RGL2: variants seen among roughly 807,000 people sequenced by gnomAD.
RGL2 encodes ral guanine nucleotide dissociation stimulator like 2, also known as ral guanine nucleotide dissociation stimulator-like 2.
A neutral mutation model predicts 84.6 loss-of-function variants in RGL2; 40 were observed. That is an observed-to-expected ratio of 0.47 (90% confidence interval 0.37 to 0.62). The LOEUF (loss-of-function observed/expected upper bound fraction) is 0.62, where lower values mean the gene tolerates loss of function less well. Among genes scored for constraint, RGL2 ranks in the 20% least tolerant of loss-of-function variants. The pLI is 0.00. For missense variants in RGL2, 865 were observed against 1,019.7 expected (o/e 0.85, Z 2.07); for synonymous variants, 369 against 417.3 (o/e 0.88, Z 1.41).
chr6:33,298,731 T>G lies in RGL2; in HGVS notation c.-41-80A>C. The G allele has an allele frequency of 3.4e-6, 2 of 583,234 alleles. No individual in the cohort carries two copies. Among genetic ancestry groups the G allele is most frequent in the South Asian group, 2.5e-5 (1 of 40,288 alleles). 36.1% of individuals were successfully genotyped at this position (583,234 alleles called of 1,614,324 possible). A position where few individuals can be genotyped will look rare whatever the true frequency, so the allele number is the denominator to read the frequency against. On this transcript the variant is annotated intron_variant, in intron 1 of 17. Coordinates refer to ENST00000497454, the MANE Select transcript of RGL2 (RefSeq NM_004761.5). The surrounding 1 kb of genome is among the most constrained non-coding windows in gnomAD (Gnocchi z 4.8). ...CGGGCAGGGAAGGGACGTGGGTGGGTGTCAAGAAGACCGGAAGGGAGTTCT... is the reference window on the plus strand; with the variant it reads ...CGGGCAGGGAAGGGACGTGGGTGGGGGTCAAGAAGACCGGAAGGGAGTTCT...
In RGL2 at chr6:33,295,852, C is replaced by T; in HGVS notation, c.769-93G>A. On this transcript the variant is annotated intron_variant, in intron 6 of 17. Transcript: ENST00000497454. This position sits in a 1 kb window ranked among gnomAD's most constrained non-coding sequence, Gnocchi z 7.2. ...TGAGGATCTCAGGTGGCCAAGGAAC[C>T]AGAGGGGCACAGGGTTTGAAGGGTA... The T allele has an allele frequency of 6.7e-7, 1 of 1,487,992 alleles. No individual in the cohort carries two copies. Among genetic ancestry groups the T allele is most frequent in the Non-Finnish European group, 9.2e-7 (1 of 1,085,922 alleles). 92.2% of individuals were successfully genotyped at this position (1,487,992 alleles called of 1,614,324 possible).
rs766500261 is a variant in RGL2, at chr6:33,296,233, A to C, written c.563T>G (p.Phe188Cys). Residue 188 changes from phenylalanine (F) to cysteine (C), a missense_variant, in exon 6 of 18, where the codon TTC becomes TGC. Transcript: ENST00000497454. This position sits in a 1 kb window ranked among gnomAD's most constrained non-coding sequence, Gnocchi z 5.0. ...TGCTGCATACCCTGTCTGAAGTAAG[A>C]AGCTCTCAAGCCGGTCAAGCTGACC... is the stretch of plus-strand genomic sequence containing the variant. The part of the protein sequence containing the change: ...AKGQLDRLES[F>C]LLQTGYAAGK... 21 of 1,613,984 alleles carry C rather than the reference A, an allele frequency of 1.3e-5. No homozygotes were observed. The highest frequency in any genetic ancestry group is 3.3e-5 in the Admixed American group (2 of 60,034).
At position 33,292,265 on chromosome 6, in the gene RGL2, G is replaced by T; in HGVS notation, c.2171C>A (p.Ala724Asp). The T allele has an allele frequency of 6.2e-7, 1 of 1,614,220 alleles. No homozygotes were observed. Among genetic ancestry groups the T allele is most frequent in the Non-Finnish European group, 8.5e-7 (1 of 1,180,044 alleles). Residue 724 changes from alanine to aspartate, a missense_variant, in exon 18 of 18, where the codon GCT becomes GAT. Coordinates refer to ENST00000497454, the MANE Select transcript of RGL2 (RefSeq NM_004761.5). ...SANVFYAMDG[A>D]SHDFLLRQRR... ...CTGCCGCAGGAGGAAATCGTGTGAA[G>T]CTCCATCCATGGCGTAGAATACATT...
rs746343327 is a variant in RGL2, at chr6:33,295,120, C to T, written c.1209+7G>A. On this transcript the variant is annotated splice_region_variant and intron_variant, in intron 9 of 17. Coordinates refer to ENST00000497454, the MANE Select transcript of RGL2 (RefSeq NM_004761.5). This position sits in a 1 kb window ranked among gnomAD's most constrained non-coding sequence, Gnocchi z 7.2. ...AGAGGTGGGAATGCCACAAACCAGGCTCTCACCTGCACGAGCAGCTCCCGA... is the reference window on the plus strand; with the variant it reads ...AGAGGTGGGAATGCCACAAACCAGGTTCTCACCTGCACGAGCAGCTCCCGA... 17 of 1,605,760 alleles carry T rather than the reference C, an allele frequency of 1.1e-5. No homozygotes were observed. The highest frequency in any genetic ancestry group is 1.4e-5 in the Non-Finnish European group (17 of 1,175,960).
rs769473006 is a variant in RGL2, at chr6:33,293,694, C to A, written c.1514G>T (p.Arg505Leu). ...AGGTGGCTCCACCTCACAGGATACA[C>A]GATGGCTGGGTTAGGGGGGCAATAG... ...LRPLTEAQSHRVSCEVEPPGS... is the reference protein window; with the variant it reads ...LRPLTEAQSHLVSCEVEPPGS... Residue 505 changes from arginine (R) to leucine (L), a missense_variant, in exon 14 of 18, where the codon CGT becomes CTT. Coordinates refer to ENST00000497454, the MANE Select transcript of RGL2 (RefSeq NM_004761.5). This position sits in a 1 kb window ranked among gnomAD's most constrained non-coding sequence, Gnocchi z 7.0. The A allele has an allele frequency of 6.2e-7, 1 of 1,614,004 alleles. No homozygotes were observed. Among genetic ancestry groups the A allele is most frequent in the African/African-American group, 1.3e-5 (1 of 75,014 alleles).
Position 33,296,041 on chromosome 6 carries a change from G to A in RGL2, c.755C>T (p.Thr252Ile). The A allele has an allele frequency of 6.2e-7, 1 of 1,614,022 alleles. No individual in the cohort carries two copies. ...FLADHLAEQL[T>I]LLDAELFLNL... ...TCAGGGTCTCACCGCATCTAGCAGGGTCAGCTGTTCGGCCAAGTGGTCAGC... is the reference window on the plus strand; with the variant it reads ...TCAGGGTCTCACCGCATCTAGCAGGATCAGCTGTTCGGCCAAGTGGTCAGC... Residue 252 changes from threonine to isoleucine, a missense_variant, in exon 6 of 18, where the codon ACC becomes ATC. Physicochemically the swap from Thr to Ile is moderately conservative, Grantham distance 89 (BLOSUM62 -1). Transcript: ENST00000497454. The surrounding 1 kb of genome is among the most constrained non-coding windows in gnomAD (Gnocchi z 5.0).
upstream of RGL2, chr6:33,300,548 C>A (rs1768479652): frequency 6.6e-6 from 1 of 151,720 alleles, no homozygotes; most frequent in African/African-American, 2.4e-5. Context: ...GTAGTCCCAG[C>A]TACTCGGGAA....
Position 33,292,504 on chromosome 6 carries a change from A to G in RGL2, c.2048T>C (p.Val683Ala), listed in dbSNP as rs753578482. Reference sequence around the variant, plus strand: ...AGAGTCACGATTGTTTTTCTTAAGGACACGACTGATGACACTTGGAGCCTT... The same window carrying G: ...AGAGTCACGATTGTTTTTCTTAAGGGCACGACTGATGACACTTGGAGCCTT... ...QDKAPSVISR[V>A]LKKNNRDSAV... The change falls in exon 17 of 18, where the codon GTC becomes GCC. Residue 683 changes from valine to alanine, a missense_variant. Val to Ala is a moderately conservative substitution (Grantham distance 64). Transcript: ENST00000497454. 3 of 1,614,002 alleles carry G rather than the reference A, an allele frequency of 1.9e-6. No homozygotes were observed. Among genetic ancestry groups the G allele is most frequent in the Admixed American group, 3.3e-5 (2 of 59,988 alleles).
chr6:33,295,220 G>T lies in RGL2; in HGVS notation c.1125-9C>A. On this transcript the variant is annotated splice_polypyrimidine_tract_variant and intron_variant, in intron 8 of 17. Transcript: ENST00000497454. The surrounding 1 kb of genome is among the most constrained non-coding windows in gnomAD (Gnocchi z 7.2). ...AGACTCTGAGGCTGTCCCTGGGGAA[G>T]GGAGAAAAGTGGCCCTGAGGACAGG... 1 of 1,596,088 alleles carries T rather than the reference G, an allele frequency of 6.3e-7. No individual in the cohort carries two copies. The highest frequency in any genetic ancestry group is 2.3e-5 in the East Asian group (1 of 44,372).
Position 33,294,969 on chromosome 6 carries a change from T to A in RGL2, c.1278+8A>T, listed in dbSNP as rs1767799118. The A allele has an allele frequency of 9.6e-6, 15 of 1,569,058 alleles. No homozygotes were observed. The highest frequency in any genetic ancestry group is 1.3e-5 in the Non-Finnish European group (15 of 1,157,242). On this transcript the variant is annotated splice_region_variant and intron_variant, in intron 10 of 17. Transcript: ENST00000497454. The surrounding 1 kb of genome is among the most constrained non-coding windows in gnomAD (Gnocchi z 5.0). ...ACCCCCACGCCCACCACCCCGCTAGTCACTCACCCCACCCCGGGAGCCAGA... is the reference window on the plus strand; with the variant it reads ...ACCCCCACGCCCACCACCCCGCTAGACACTCACCCCACCCCGGGAGCCAGA...
rs1768294294 is a variant in RGL2 at position 33,298,920 on chromosome 6, G to C, written c.-92C>G. Reference sequence around the variant, plus strand: ...TGGGTCCTGAGCCGCTGTTGCCGTCGGTCTCCGGCCCCGGACCGAGTCCCC... The same window carrying C: ...TGGGTCCTGAGCCGCTGTTGCCGTCCGTCTCCGGCCCCGGACCGAGTCCCC... On this transcript the variant is annotated 5_prime_UTR_variant, in exon 1 of 18. Coordinates refer to ENST00000497454, the MANE Select transcript of RGL2 (RefSeq NM_004761.5). The surrounding 1 kb of genome is among the most constrained non-coding windows in gnomAD (Gnocchi z 4.8). 1 of 285,868 alleles carries C rather than the reference G, an allele frequency of 3.5e-6. No homozygotes were observed. Among genetic ancestry groups the C allele is most frequent in the Non-Finnish European group, 6.5e-6 (1 of 153,642 alleles). 17.7% of individuals were successfully genotyped at this position (285,868 alleles called of 1,614,324 possible). A position where few individuals can be genotyped will look rare whatever the true frequency, so the allele number is the denominator to read the frequency against.
chr6:33,301,477 A>C (rs1278809768), upstream of RGL2: 5 of 442,772 alleles, frequency 1.1e-5, no homozygotes, highest in East Asian at 3.8e-5. Flanking sequence ...CGGAGGCTGA[A>C]GCCACAGAAT....
At position 33,292,913 on chromosome 6, in the gene RGL2, T is replaced by C. The variant is rs1581707154; in HGVS notation, c.2007+103A>G. On this transcript the variant is annotated intron_variant, in intron 16 of 17. Transcript: ENST00000497454. Reference sequence around the variant, plus strand: ...AACTGCCAAAACCAAAGGTCAAAATTAAAACTACATTCAATTCCATTTGGC... The same window carrying C: ...AACTGCCAAAACCAAAGGTCAAAATCAAAACTACATTCAATTCCATTTGGC... The C allele has an allele frequency of 2.1e-6, 3 of 1,409,498 alleles. No individual in the cohort carries two copies. In the East Asian group the frequency reaches 7.0e-5, roughly 33 times the overall value. 87.3% of individuals were successfully genotyped at this position (1,409,498 alleles called of 1,614,324 possible).
chr6:33,301,608 T>A (rs889944229), upstream of RGL2: 19 of 662,332 alleles, frequency 2.9e-5, no homozygotes, highest in African/African-American at 1.9e-5. Context: ...ATCCCTTATA[T>A]AAGTGAAAGA....
rs148151195 is a variant in RGL2 at position 33,292,126 on chromosome 6, C to T, written c.2310G>A (p.Arg770=). 5.6e-4 allele frequency: 896 copies of T among 1,614,180 alleles called. 1 individual carries two copies. Among genetic ancestry groups the T allele is most frequent in the Admixed American group, 8.3e-4 (50 of 60,026 alleles). ...CTCAGAACAGTGCCCGTGCAATCTT[C>T]CTCCCTGTGGCCTTGATCCTGGGAA... ...GSFPRIKATG[R]KIARALF The change falls in exon 18 of 18, where the codon AGG becomes AGA. Residue 770 remains arginine (R), a synonymous_variant. Transcript: ENST00000497454.
chr6:33,298,280 TGACA>T lies in RGL2; in HGVS notation c.156+171_156+174del, dbSNP rs1466845643. On this transcript the variant is annotated intron_variant, in intron 2 of 17. Coordinates refer to ENST00000497454, the MANE Select transcript of RGL2 (RefSeq NM_004761.5). The surrounding 1 kb of genome is among the most constrained non-coding windows in gnomAD (Gnocchi z 4.8). ...CCTGCGGGCAGGTCCTGAGTCACAC[TGACA>T]GAGAACCACGGAGACGCCAGGACTC... 9.1e-6 allele frequency: 5 copies of T among 551,484 alleles called. No homozygotes were observed. The highest frequency in any genetic ancestry group is 1.6e-5 in the Non-Finnish European group (5 of 305,062). The allele number at this position is 551,484 out of a possible 1,614,324, so 34.2% of individuals were successfully genotyped here.
Position 33,295,662 on chromosome 6 carries a change from G to C in RGL2, c.866C>G (p.Ala289Gly). Residue 289 changes from alanine (A) to glycine (G), a missense_variant, in exon 7 of 18, where the codon GCT becomes GGT. Physicochemically the swap from Ala to Gly is moderately conservative, Grantham distance 60 (BLOSUM62 0). Transcript: ENST00000497454. This position sits in a 1 kb window ranked among gnomAD's most constrained non-coding sequence, Gnocchi z 7.2. ...GHSHLCPSVR[A>G]TVTQFNKVAG... ...CACCTTGTTAAACTGTGTGACAGTAGCTCGGACAGATGGGCAGAGGTGAGA... is the reference window on the plus strand; with the variant it reads ...CACCTTGTTAAACTGTGTGACAGTACCTCGGACAGATGGGCAGAGGTGAGA... 6.2e-7 allele frequency: 1 copy of C among 1,613,938 alleles called. No homozygotes were observed. The highest frequency in any genetic ancestry group is 8.5e-7 in the Non-Finnish European group (1 of 1,180,048).
In RGL2 at chr6:33,293,591, G is replaced by T; in HGVS notation, c.1604+13C>A. The T allele has an allele frequency of 6.2e-7, 1 of 1,613,612 alleles. No homozygotes were observed. The highest frequency in any genetic ancestry group is 8.5e-7 in the Non-Finnish European group (1 of 1,179,686). On this transcript the variant is annotated intron_variant, in intron 14 of 17. Transcript: ENST00000497454. This position sits in a 1 kb window ranked among gnomAD's most constrained non-coding sequence, Gnocchi z 7.0. The stretch of plus-strand genomic sequence containing the variant: ...GTCCCAAGAAACCACCCCCCAGCCA[G>T]TGAATCTCTCACTCTGTCCACTGCG...
Position 33,295,877 on chromosome 6 carries a change from A to G in RGL2, c.769-118T>C. 1.4e-6 allele frequency: 2 copies of G among 1,450,274 alleles called. No individual in the cohort carries two copies. 89.8% of individuals were successfully genotyped at this position (1,450,274 alleles called of 1,614,324 possible). On this transcript the variant is annotated intron_variant, in intron 6 of 17. Transcript: ENST00000497454. This position sits in a 1 kb window ranked among gnomAD's most constrained non-coding sequence, Gnocchi z 7.2. ...CAGAGGGGCACAGGGTTTGAAGGGTAACGACCAAAGGGAAAAGGGGAGAAT... is the reference window on the plus strand; with the variant it reads ...CAGAGGGGCACAGGGTTTGAAGGGTGACGACCAAAGGGAAAAGGGGAGAAT...
Sources: allele counts gnomAD v4.1 joint callset, GRCh38; gene constraint gnomAD v4.1.1; non-coding constraint Gnocchi (gnomAD v3.1); transcripts MANE v1.5; gene names NCBI Gene and HGNC (gene_info 2026-07-23, HGNC 2026-07-21).